ODF1: variants seen among roughly 807,000 people sequenced by gnomAD.
The protein encoded by ODF1 is outer dense fiber protein 1.
In ODF1, 10 loss-of-function variants were observed where a neutral mutation model predicts 24.0. The observed-to-expected ratio is 0.42, with a 90% CI of 0.26 to 0.71. The LOEUF (loss-of-function observed/expected upper bound fraction) is 0.71. ODF1 is among the 30% of genes least tolerant of loss of function. The pLI is 0.28. For missense variants in ODF1, 282 were observed against 307.9 expected (o/e 0.92, Z 0.63); for synonymous variants, 118 against 121.3 (o/e 0.97, Z 0.18).
intron 1 of ODF1, among the ~76,000 whole-genome samples, chr8:102,555,909 C>T (rs549366524): frequency 2.0e-5 from 3 of 152,292 alleles, no homozygotes; most frequent in South Asian, 4.1e-4. Flanking sequence ...AGAGCTCAGT[C>T]ACCCCTTGGC....
chr8:102,554,743 G>A (rs918007286), intron 1 of ODF1, among the ~76,000 whole-genome samples: 41 of 152,064 alleles, frequency 2.7e-4, no homozygotes, highest in Admixed American at 2.2e-3. Context: ...GCTCAAGTCC[G>A]GGAGTTTGGG....
At chr8:102,556,576 T>G (rs1411026452) in intron 1 of ODF1, among the ~76,000 whole-genome samples, 1 of 151,958 alleles carries the variant, frequency 6.6e-6, no homozygotes, top group Non-Finnish European at 1.5e-5. Context: ...GCCTCCTGAG[T>G]AACTGGGACT....
chr8:102,557,066 T>A (rs1446618567), intron 1 of ODF1, among the ~76,000 whole-genome samples: 1 of 152,156 alleles, frequency 6.6e-6, no homozygotes, highest in East Asian at 1.9e-4. Context: ...AAATTTAGCA[T>A]TAGCAGGGAG....
rs569031134 is a variant in ODF1, at chr8:102,552,074, A to G, written c.320+27A>G. The G allele has an allele frequency of 9.2e-6, 14 of 1,515,474 alleles. No homozygotes were observed. The African/African-American group carries it at 1.7e-4, about 18-fold the overall frequency. 93.9% of individuals were successfully genotyped at this position (1,515,474 alleles called of 1,614,324 possible). On this transcript the variant is annotated intron_variant, in intron 1 of 1. Coordinates refer to ENST00000285402, the MANE Select transcript of ODF1 (RefSeq NM_024410.4). ...TAAAATAACTTATTTTTAAATTTTTATAGTCGGTATATTAGCCTTATAAGT... is the reference window on the plus strand; with the variant it reads ...TAAAATAACTTATTTTTAAATTTTTGTAGTCGGTATATTAGCCTTATAAGT...
chr8:102,557,991 C>G (rs1338927761), intron 1 of ODF1, among the ~76,000 whole-genome samples: 1 of 152,196 alleles, frequency 6.6e-6, no homozygotes, highest in Non-Finnish European at 1.5e-5. Context: ...GCCCATCCAG[C>G]AAGATAGAGT....
chr8:102,558,713 T>TA (rs1826142846), intron 1 of ODF1, among the ~76,000 whole-genome samples: 1 of 146,954 alleles, frequency 6.8e-6, no homozygotes, highest in Non-Finnish European at 1.5e-5. Flanking sequence ...TAAGAACACA[T>TA]ACAAAACTCT....
intron 1 of ODF1, among the ~76,000 whole-genome samples, chr8:102,559,750 T>C (rs1826155163): frequency 6.6e-6 from 1 of 151,470 alleles, no homozygotes; most frequent in Non-Finnish European, 1.5e-5. Flanking sequence ...GCCAGGGCTC[T>C]CCTGCCATCA....
Position 102,560,537 on chromosome 8 carries a change from C to T in ODF1, c.406C>T (p.Pro136Ser), listed in dbSNP as rs183257681. 1 of 1,614,144 alleles carries T rather than the reference C, an allele frequency of 6.2e-7. No individual in the cohort carries two copies. The highest frequency in any genetic ancestry group is 8.5e-7 in the Non-Finnish European group (1 of 1,180,036). ...ATCGGTGAATGTATGCGGTTTTGAA[C>T]CCGATCAAGTCAAAGTTCGAGTGAA... ...LGSVNVCGFE[P>S]DQVKVRVKDG... The change falls in exon 2 of 2, where the codon CCC becomes TCC. Residue 136 changes from proline to serine, a missense_variant. Physicochemically the swap from Pro to Ser is moderately conservative, Grantham distance 74 (BLOSUM62 -1). Transcript: ENST00000285402.
intron 1 of ODF1, among the ~76,000 whole-genome samples, chr8:102,556,448 G>GT (rs1826113417): frequency 6.6e-6 from 1 of 151,730 alleles, no homozygotes; most frequent in Admixed American, 6.6e-5. Context: ...GTTTTGTTTT[G>GT]TTTTGTTTTG....
At position 102,551,954 on chromosome 8, in the gene ODF1, G is replaced by A; in HGVS notation, c.227G>A (p.Cys76Tyr). The change falls in exon 1 of 2, where the codon TGT becomes TAT. Residue 76 changes from cysteine (C) to tyrosine (Y), a missense_variant. Coordinates refer to ENST00000285402, the MANE Select transcript of ODF1 (RefSeq NM_024410.4). Reference sequence around the variant, plus strand: ...TGTGATCTCTACCCATGTTGCCTGTGTGATTATAAGCTTTACTGTCTGCGA... The same window carrying A: ...TGTGATCTCTACCCATGTTGCCTGTATGATTATAAGCTTTACTGTCTGCGA... ...GLCDLYPCCLCDYKLYCLRPS... is the reference protein window; with the variant it reads ...GLCDLYPCCLYDYKLYCLRPS... 6.2e-7 allele frequency: 1 copy of A among 1,614,178 alleles called. No homozygotes were observed. The highest frequency in any genetic ancestry group is 8.5e-7 in the Non-Finnish European group (1 of 1,180,036).
In ODF1 at chr8:102,553,374, C is replaced by CA. The variant is rs55997419; in HGVS notation, c.320+1346dup. Among the ~76,000 whole-genome samples, 562 of 108,388 alleles carry CA rather than the reference C, an allele frequency of 5.2e-3. 1 individual carries two copies. The highest frequency in any genetic ancestry group is 0.012 in the African/African-American group (349 of 29,678). 71.1% of individuals were successfully genotyped at this position (108,388 alleles called of 152,430 possible). ...ACCGGGTGACAAAGTGAGACTGTCT[C>CA]AAAAAAAAAAAAAAAAAAAGGATAA... is the stretch of plus-strand genomic sequence containing the variant. On this transcript the variant is annotated intron_variant, in intron 1 of 1. Coordinates refer to ENST00000285402, the MANE Select transcript of ODF1 (RefSeq NM_024410.4).
intron 1 of ODF1, among the ~76,000 whole-genome samples, chr8:102,553,141 T>C (rs916985297): frequency 2.7e-5 from 4 of 147,142 alleles, no homozygotes; most frequent in Non-Finnish European, 5.9e-5. Flanking sequence ...GGCGGGCAGA[T>C]CACCTGAGCT....
At chr8:102,555,109 C>T (rs1826097013) in intron 1 of ODF1, among the ~76,000 whole-genome samples, 1 of 152,082 alleles carries the variant, frequency 6.6e-6, no homozygotes, top group South Asian at 2.1e-4. Flanking sequence ...TCCTCTTTTC[C>T]TCCCCAAGAG....
chr8:102,559,940 TTTAA>T (rs1323322797), intron 1 of ODF1, among the ~76,000 whole-genome samples: 3 of 150,748 alleles, frequency 2.0e-5, no homozygotes, highest in Non-Finnish European at 2.9e-5. Flanking sequence ...TTTTATATAA[TTTAA>T]TTATAGTTAT....
In ODF1 at chr8:102,560,606, G is replaced by A. The variant is rs562500726; in HGVS notation, c.475G>A (p.Asp159Asn). 1.1e-5 allele frequency: 17 copies of A among 1,614,208 alleles called. No individual in the cohort carries two copies. Among genetic ancestry groups the A allele is most frequent in the East Asian group, 4.5e-5 (2 of 44,888 alleles). Residue 159 changes from aspartate to asparagine, a missense_variant, in exon 2 of 2, where the codon GAC becomes AAC. Transcript: ENST00000285402. Reference sequence around the variant, plus strand: ...GTCGGCTGAGCGGGAGAACAGGTACGACTGCCTTGGATCGAAAAAGTACAG... The same window carrying A: ...GTCGGCTGAGCGGGAGAACAGGTACAACTGCCTTGGATCGAAAAAGTACAG... ...CVSAERENRY[D>N]CLGSKKYSYM...
intron 1 of ODF1, among the ~76,000 whole-genome samples, chr8:102,553,089 G>A (rs1405362914): frequency 6.6e-6 from 1 of 151,796 alleles, no homozygotes; most frequent in African/African-American, 2.4e-5. Flanking sequence ...GAGGCCGGGT[G>A]CATTGGCTCA....
chr8:102,556,280 T>C, intron 1 of ODF1, among the ~76,000 whole-genome samples: 1 of 152,148 alleles, frequency 6.6e-6, no homozygotes, highest in Non-Finnish European at 1.5e-5. Context: ...TGGTCAGTGG[T>C]TCTCGTAGTG....
chr8:102,557,997 A>G (rs1275716675), intron 1 of ODF1, among the ~76,000 whole-genome samples: 1 of 152,212 alleles, frequency 6.6e-6, no homozygotes, highest in African/African-American at 2.4e-5. Context: ...CCAGCAAGAT[A>G]GAGTGCTTGT....
intron 1 of ODF1, among the ~76,000 whole-genome samples, chr8:102,555,287 C>A (rs1826099339): frequency 6.6e-6 from 1 of 152,164 alleles, no homozygotes; most frequent in Admixed American, 6.5e-5. Context: ...GCCGGAGAAA[C>A]AAAACCCAGG....
Sources: allele counts gnomAD v4.1 joint callset (sites outside exome capture counted in the v4.1 genomes callset), GRCh38; gene constraint gnomAD v4.1.1; transcripts MANE v1.5; gene names NCBI Gene and HGNC (gene_info 2026-07-23, HGNC 2026-07-21).